The following PID1 variants were observed in gnomAD, a reference collection of about 807,000 sequenced individuals.
PID1 encodes the protein PTB-containing, cubilin and LRP1-interacting protein.
In PID1, 10 loss-of-function variants were observed where a neutral mutation model predicts 19.1. The observed-to-expected ratio is 0.52, with a 90% CI of 0.32 to 0.89. The LOEUF is 0.89. PID1 is among the 40% of genes least tolerant of loss of function. The pLI, the probability that PID1 is intolerant of heterozygous loss-of-function variation, is 0.03. For missense variants in PID1, 248 were observed against 285.3 expected (o/e 0.87, Z 0.94); for synonymous variants, 130 against 116.0 (o/e 1.12, Z -0.78).
At chr2:229,026,524 A>G (rs1693428028) in intron 2 of PID1, among the ~76,000 whole-genome samples, 1 of 152,226 alleles carries the variant, frequency 6.6e-6, no homozygotes, top group Admixed American at 6.5e-5. Context: ...CTGAGTTGGA[A>G]AAACAAAATC....
In PID1 at chr2:229,184,061, A is replaced by G. The variant is rs201466241; in HGVS notation, c.31-28097T>C. 5.1e-4 allele frequency among the ~76,000 whole-genome samples: 5 copies of G among 9,740 alleles called. 1 individual carries two copies. Among genetic ancestry groups the G allele is most frequent in the African/African-American group, 1.8e-3 (2 of 1,134 alleles). The allele number at this position is 9,740 out of a possible 152,430, so 6.4% of individuals were successfully genotyped here. On this transcript the variant is annotated intron_variant, in intron 1 of 2. Coordinates refer to ENST00000392055, the MANE Select transcript of PID1 (RefSeq NM_001100818.2). ...TATATCCCATATATATATCCCATAT[A>G]TATATCCCATATGTATATCCCATAT...
At chr2:229,210,376 G>A (rs1034443588) in intron 1 of PID1, among the ~76,000 whole-genome samples, 3 of 147,878 alleles carry the variant, frequency 2.0e-5, no homozygotes, top group Non-Finnish European at 4.5e-5. Context: ...AGCTGGGCAT[G>A]GTGGCAGGCA....
intron 2 of PID1, among the ~76,000 whole-genome samples, chr2:229,078,627 G>A (rs1694610613): frequency 6.6e-6 from 1 of 152,122 alleles, no homozygotes; most frequent in South Asian, 2.1e-4. Context: ...TTTTATCGAA[G>A]GCCTGTCTGT....
At chr2:229,036,903 C>T (rs905239896) in intron 2 of PID1, among the ~76,000 whole-genome samples, 1 of 152,302 alleles carries the variant, frequency 6.6e-6, no homozygotes, top group East Asian at 1.9e-4. Flanking sequence ...CCTGCCTGAC[C>T]ACGAAGTAGA....
chr2:229,147,179 T>C (rs914600319), intron 2 of PID1, among the ~76,000 whole-genome samples: 2 of 152,196 alleles, frequency 1.3e-5, no homozygotes, highest in African/African-American at 4.8e-5. Flanking sequence ...TCACTTTCCC[T>C]GAAATTTATG....
chr2:229,070,637 G>C (rs539507390), intron 2 of PID1, among the ~76,000 whole-genome samples: 2 of 152,266 alleles, frequency 1.3e-5, no homozygotes, highest in South Asian at 4.1e-4. Flanking sequence ...CTCATACCAA[G>C]AGGGCATGAA....
intron 2 of PID1, among the ~76,000 whole-genome samples, chr2:229,151,728 G>A (rs776367637): frequency 1.3e-5 from 2 of 151,906 alleles, no homozygotes; most frequent in African/African-American, 2.4e-5. Flanking sequence ...CCACCACCAC[G>A]CCCGGCTAAT....
rs1690726933 is a variant in PID1 at position 229,271,110 on chromosome 2, G to A, written c.-67C>T. 5 of 1,506,944 alleles carry A rather than the reference G, an allele frequency of 3.3e-6. No individual in the cohort carries two copies. Among genetic ancestry groups the A allele is most frequent in the Non-Finnish European group, 4.5e-6 (5 of 1,115,324 alleles). 93.3% of individuals were successfully genotyped at this position (1,506,944 alleles called of 1,614,324 possible). On this transcript the variant is annotated 5_prime_UTR_variant, in exon 1 of 3. Coordinates refer to ENST00000392055, the MANE Select transcript of PID1 (RefSeq NM_001100818.2). The stretch of plus-strand genomic sequence containing the variant: ...TGTCGATCGCGCCGGGGGGCGAGGG[G>A]CTGGGGTCCCGCTTTACATCTGGGG...
At position 229,067,822 on chromosome 2, in the gene PID1, C is replaced by T. The variant is rs113885063; in HGVS notation, c.178-41714G>A. Among the ~76,000 whole-genome samples, 99 of 152,326 alleles carry T rather than the reference C, an allele frequency of 6.5e-4. 1 individual carries two copies. The highest frequency in any genetic ancestry group is 2.3e-3 in the African/African-American group (94 of 41,580). ...GTGCTCTCCCACCTGCTGGGCCCCA[C>T]GGTGCTCTGTCTTGTCATCTTGGCT... On this transcript the variant is annotated intron_variant, in intron 2 of 2. Transcript: ENST00000392055.
At chr2:229,264,351 G>A (rs958081156) in intron 1 of PID1, among the ~76,000 whole-genome samples, 9 of 151,974 alleles carry the variant, frequency 5.9e-5, no homozygotes, top group African/African-American at 2.2e-4. Context: ...TCCTGACCTG[G>A]AGACCACCGC....
chr2:229,229,781 G>A (rs182795083), intron 1 of PID1, among the ~76,000 whole-genome samples: 31 of 152,238 alleles, frequency 2.0e-4, no homozygotes, highest in Middle Eastern at 3.4e-3. Context: ...TCTCCCACCC[G>A]TCTTCTCCCT....
At chr2:229,266,299 T>C (rs543435660) in intron 1 of PID1, among the ~76,000 whole-genome samples, 10 of 151,990 alleles carry the variant, frequency 6.6e-5, no homozygotes, top group Middle Eastern at 6.8e-3. Context: ...TTGGAATGAA[T>C]GTGTACACAA....
chr2:229,078,055 T>G (rs1378658117), intron 2 of PID1, among the ~76,000 whole-genome samples: 3 of 152,202 alleles, frequency 2.0e-5, no homozygotes, highest in African/African-American at 7.2e-5. Context: ...ATTCCATTTG[T>G]TTGTGTCCTC....
intron 1 of PID1, among the ~76,000 whole-genome samples, chr2:229,176,124 C>A (rs1292804916): frequency 1.3e-5 from 2 of 150,668 alleles, no homozygotes; most frequent in African/African-American, 2.5e-5. Flanking sequence ...TAGATTTCTA[C>A]AGTTTAGTCC....
chr2:229,027,688 AAGG>A (rs1693455751), intron 2 of PID1, among the ~76,000 whole-genome samples: 1 of 152,212 alleles, frequency 6.6e-6, no homozygotes, highest in South Asian at 2.1e-4. Flanking sequence ...AGGTGCTAAA[AAGG>A]AGGAGGGAAA....
chr2:229,194,413 C>T (rs945409336), intron 1 of PID1, among the ~76,000 whole-genome samples: 2 of 151,766 alleles, frequency 1.3e-5, no homozygotes, highest in Admixed American at 1.3e-4. Context: ...CAAGCTTTCA[C>T]ATATCATTAC....
intron 1 of PID1, among the ~76,000 whole-genome samples, chr2:229,240,109 T>C (rs1305428504): frequency 6.6e-6 from 1 of 152,138 alleles, no homozygotes; most frequent in Non-Finnish European, 1.5e-5. Context: ...TCAATGTAGG[T>C]AAAACGTCAC....
intron 2 of PID1, among the ~76,000 whole-genome samples, chr2:229,143,704 G>A (rs1313657557): frequency 6.6e-6 from 1 of 152,108 alleles, no homozygotes; most frequent in Non-Finnish European, 1.5e-5. Context: ...GAGGTGACTG[G>A]ATCATGGGGG....
chr2:229,050,894 T>C (rs945380357), intron 2 of PID1, among the ~76,000 whole-genome samples: 1 of 152,246 alleles, frequency 6.6e-6, no homozygotes, highest in Non-Finnish European at 1.5e-5. Flanking sequence ...TCAAATGATA[T>C]GCCTTTTATG....
Sources: allele counts gnomAD v4.1 joint callset (sites outside exome capture counted in the v4.1 genomes callset), GRCh38; gene constraint gnomAD v4.1.1; transcripts MANE v1.5; gene names NCBI Gene and HGNC (gene_info 2026-07-23, HGNC 2026-07-21).